ARID1B: variants seen among roughly 807,000 people sequenced by gnomAD.
ARID1B encodes AT-rich interaction domain 1B, also known as AT-rich interactive domain-containing protein 1B.
A neutral mutation model predicts 212.3 loss-of-function variants in ARID1B; 30 were observed. The observed-to-expected ratio is 0.14, with a 90% CI of 0.11 to 0.19. The LOEUF is 0.19. Among genes scored for constraint, ARID1B ranks in the 10% least tolerant of loss-of-function variants. ARID1B has a pLI of 1.00. For synonymous variants in ARID1B, 1,402 were observed against 1,301.7 expected, an observed-to-expected ratio of 1.08 and a Z score of -1.66; for missense variants, 2,891 against 3,204.0, an observed-to-expected ratio of 0.90 and a Z score of 2.36.
chr6:157,035,294 T>C (rs1195538330), intron 4 of ARID1B, among the ~76,000 whole-genome samples: 1 of 152,116 alleles, frequency 6.6e-6, no homozygotes, highest in African/African-American at 2.4e-5. Flanking sequence ...ACATCAAGGG[T>C]GAGGTATGCA....
chr6:157,108,803 G>A (rs1301707880), intron 5 of ARID1B, among the ~76,000 whole-genome samples: 2 of 152,076 alleles, frequency 1.3e-5, no homozygotes, highest in Non-Finnish European at 2.9e-5. Context: ...CTTTTATCCC[G>A]ACTAGTTATG....
intron 4 of ARID1B, among the ~76,000 whole-genome samples, chr6:157,019,745 C>T (rs1484630905): frequency 1.3e-5 from 2 of 152,190 alleles, no homozygotes; most frequent in African/African-American, 2.4e-5. Flanking sequence ...TAATTGCCTG[C>T]GAATCCATGT....
At chr6:157,158,993 G>T (rs912887873) in intron 8 of ARID1B, among the ~76,000 whole-genome samples, 1 of 152,138 alleles carries the variant, frequency 6.6e-6, no homozygotes, top group Non-Finnish European at 1.5e-5. Context: ...TCTTCTCAGA[G>T]GTCAGTGGGA....
chr6:157,011,906 A>G (rs1051197744), intron 4 of ARID1B, among the ~76,000 whole-genome samples: 2 of 152,104 alleles, frequency 1.3e-5, no homozygotes, highest in African/African-American at 4.8e-5. Context: ...CTATGCCTAG[A>G]CCGAAGCTAT....
chr6:157,016,475 T>C lies in ARID1B; in HGVS notation c.2248-68187T>C, dbSNP rs568393306. On this transcript the variant is annotated intron_variant, in intron 4 of 19. Transcript: ENST00000636930. Reference sequence around the variant, plus strand: ...AAATACAGCAAGTCCTTGAATAATATTGTTTTGTTCAATGTTGTTTCCTTA... The same window carrying C: ...AAATACAGCAAGTCCTTGAATAATACTGTTTTGTTCAATGTTGTTTCCTTA... Among the ~76,000 whole-genome samples the C allele has an allele frequency of 3.9e-5, 6 of 152,368 alleles. No individual in the cohort carries two copies. In the East Asian group the frequency reaches 1.2e-3, roughly 29 times the overall value.
chr6:156,779,377 A>G lies in ARID1B; in HGVS notation c.1697A>G (p.Tyr566Cys), dbSNP rs2115004105. The change falls in exon 1 of 20, where the codon TAC becomes TGC. Residue 566 changes from tyrosine to cysteine, a missense_variant. Around this residue, in one of 7 missense-constraint regions of ARID1B, gnomAD observed 1,643 missense variants for 1,544.0 expected, o/e 1.06. Coordinates refer to ENST00000636930, the MANE Select transcript of ARID1B (RefSeq NM_001374828.1). ...MGLGKDMGAQYAAASPAWAAA... is the reference protein window; with the variant it reads ...MGLGKDMGAQCAAASPAWAAA... ...TTGGGCAAGGACATGGGCGCCCAGTACGCCGCTGCCAGCCCGGCCTGGGCG... is the reference window on the plus strand; with the variant it reads ...TTGGGCAAGGACATGGGCGCCCAGTGCGCCGCTGCCAGCCCGGCCTGGGCG... 1 of 1,372,120 alleles carries G rather than the reference A, an allele frequency of 7.3e-7. No individual in the cohort carries two copies. Among genetic ancestry groups the G allele is most frequent in the Non-Finnish European group, 9.5e-7 (1 of 1,056,108 alleles). 85.0% of individuals were successfully genotyped at this position (1,372,120 alleles called of 1,614,324 possible).
intron 1 of ARID1B, among the ~76,000 whole-genome samples, chr6:156,789,584 A>G (rs921628737): frequency 1.3e-5 from 2 of 152,328 alleles, no homozygotes; most frequent in African/African-American, 4.8e-5. Flanking sequence ...TATATAGATT[A>G]GGTTGGGGTG....
chr6:156,820,855 G>C (rs888685535), intron 1 of ARID1B, among the ~76,000 whole-genome samples: 6 of 152,224 alleles, frequency 3.9e-5, no homozygotes, highest in African/African-American at 1.4e-4. Flanking sequence ...AGCAAGAGTA[G>C]TGAAGGAATG....
chr6:157,015,299 A>G (rs1184313086), intron 4 of ARID1B, among the ~76,000 whole-genome samples: 1 of 152,240 alleles, frequency 6.6e-6, no homozygotes, highest in African/African-American at 2.4e-5. Flanking sequence ...ATAACTGACA[A>G]TACAGAAGTT....
At chr6:156,901,623 G>T (rs1562472197) in intron 3 of ARID1B, 98 bp downstream of exon 3, 3 of 1,417,392 alleles carry the variant, frequency 2.1e-6, no homozygotes, top group Admixed American at 2.8e-5. Context: ...ATTATGTTCT[G>T]GTGGAAAAAA....
chr6:157,067,961 G>A (rs565005707), intron 4 of ARID1B, among the ~76,000 whole-genome samples: 14 of 152,200 alleles, frequency 9.2e-5, no homozygotes, highest in South Asian at 2.1e-4. Flanking sequence ...TAAAACAATC[G>A]TAGGTACTTC....
intron 2 of ARID1B, among the ~76,000 whole-genome samples, chr6:156,837,193 GT>G (rs773941900): frequency 1.7e-3 from 259 of 152,266 alleles, no homozygotes; most frequent in Non-Finnish European, 2.7e-3. Flanking sequence ...GTAAGTCTTT[GT>G]TCTGCAAGAA....
At chr6:157,175,953 T>C (rs1792073204) in intron 11 of ARID1B, 1 of 151,862 alleles carries the variant, frequency 6.6e-6, no homozygotes, top group South Asian at 2.1e-4. Flanking sequence ...CGAGCACGGC[T>C]CAGGAAGGCA....
At chr6:157,079,194 T>C (rs1051824226) in intron 4 of ARID1B, among the ~76,000 whole-genome samples, 6 of 152,220 alleles carry the variant, frequency 3.9e-5, no homozygotes, top group African/African-American at 1.4e-4. Context: ...GCAGATTTTT[T>C]TTCCAGGGAT....
At position 157,110,517 on chromosome 6, in the gene ARID1B, G is replaced by A. The variant is rs1335660523; in HGVS notation, c.2537G>A (p.Ser846Asn). The change falls in exon 6 of 20, where the codon AGT becomes AAT. Residue 846 changes from serine (S) to asparagine (N), a missense_variant. Physicochemically the swap from Ser to Asn is conservative, Grantham distance 46 (BLOSUM62 1). Around this residue, in one of 7 missense-constraint regions of ARID1B, gnomAD observed 1,643 missense variants for 1,544.0 expected, o/e 1.06. Coordinates refer to ENST00000636930, the MANE Select transcript of ARID1B (RefSeq NM_001374828.1). Reference sequence around the variant, plus strand: ...CCACCCGGGAGCCAGTCAGAATCCAGTTCCCATCCCGCCTTGAGCCAGTCA... The same window carrying A: ...CCACCCGGGAGCCAGTCAGAATCCAATTCCCATCCCGCCTTGAGCCAGTCA... ...PQPPGSQSES[S>N]SHPALSQSPM... The A allele has an allele frequency of 1.2e-6, 2 of 1,614,012 alleles. No homozygotes were observed. The highest frequency in any genetic ancestry group is 1.7e-6 in the Non-Finnish European group (2 of 1,180,042).
intron 2 of ARID1B, among the ~76,000 whole-genome samples, chr6:156,846,456 G>A (rs552353952): frequency 6.6e-6 from 1 of 151,844 alleles, no homozygotes; most frequent in Admixed American, 6.6e-5. Context: ...GAGCCACCGC[G>A]CCTGGCCAGA....
chr6:156,891,550 A>G lies in ARID1B; in HGVS notation c.1987-9826A>G, dbSNP rs190710313. Among the ~76,000 whole-genome samples the G allele has an allele frequency of 2.2e-3, 336 of 152,328 alleles. 1 individual carries two copies. Among genetic ancestry groups the G allele is most frequent in the African/African-American group, 7.4e-3 (308 of 41,586 alleles). On this transcript the variant is annotated intron_variant, in intron 2 of 19. Coordinates refer to ENST00000636930, the MANE Select transcript of ARID1B (RefSeq NM_001374828.1). ...GCTGTTAATTCTTTATACCTATACCACAAACAGATTCTCACATTCAAAAAT... is the reference window on the plus strand; with the variant it reads ...GCTGTTAATTCTTTATACCTATACCGCAAACAGATTCTCACATTCAAAAAT...
chr6:157,170,581 C>T (rs538491861), intron 9 of ARID1B, among the ~76,000 whole-genome samples: 4 of 152,272 alleles, frequency 2.6e-5, no homozygotes, highest in African/African-American at 9.6e-5. Flanking sequence ...AAAATAGATC[C>T]TGAGATTATG....
At chr6:157,074,290 A>G (rs904023203) in intron 4 of ARID1B, among the ~76,000 whole-genome samples, 2 of 151,986 alleles carry the variant, frequency 1.3e-5, no homozygotes, top group Non-Finnish European at 2.9e-5. Context: ...AGTGGTGCAC[A>G]CTCTCAGCTC....
Sources: gnomAD v4.1 joint callset for allele counts (sites outside exome capture counted in the v4.1 genomes callset) on GRCh38, gnomAD v4.1.1 for gene constraint, gnomAD v4.1.1 regional missense constraint, MANE v1.5 for transcripts, NCBI Gene and HGNC (gene_info 2026-07-23, HGNC 2026-07-21) for gene names.